Variants in AGBL1 observed in about 807,000 individuals in gnomAD.
AGBL1 encodes cytosolic carboxypeptidase 4.
In AGBL1, 130 loss-of-function variants were observed where a neutral mutation model predicts 118.9. The ratio of observed to expected loss-of-function variants is 1.09; its 90% confidence interval spans 0.95 to 1.26. AGBL1 has a LOEUF of 1.26. Ranked by LOEUF, AGBL1 falls within the 50% of genes most tolerant of loss-of-function variation. The pLI, the probability that AGBL1 is intolerant of heterozygous loss-of-function variation, is 0.00. For missense variants in AGBL1, 1,584 were observed against 1,298.1 expected (o/e 1.22, Z -3.38); for synonymous variants, 555 against 478.9 (o/e 1.16, Z -2.08).
chr15:86,144,934 A>G (rs1302366881), intron 3 of AGBL1, among the ~76,000 whole-genome samples: 1 of 152,262 alleles, frequency 6.6e-6, no homozygotes, highest in Non-Finnish European at 1.5e-5. Context: ...TCAGAAGTCC[A>G]AAATCAAGGT....
At position 86,496,453 on chromosome 15, in the gene AGBL1, A is replaced by G. The variant is rs1250028969; in HGVS notation, c.2556-26357A>G. Among the ~76,000 whole-genome samples, 2 of 152,086 alleles carry G rather than the reference A, an allele frequency of 1.3e-5. 1 individual carries two copies. ...TCTGTTTTAAGTATGCATCCAGCAG[A>G]GATGATATAGCTTTTTTAAAAGATC... On this transcript the variant is annotated intron_variant, in intron 18 of 22. Transcript: ENST00000614907.
At chr15:86,948,598 AT>A (rs2141666764) in intron 23 of AGBL1, among the ~76,000 whole-genome samples, 1 of 152,264 alleles carries the variant, frequency 6.6e-6, no homozygotes, top group East Asian at 1.9e-4. Flanking sequence ...GGCCCATCAT[AT>A]TTCTAGCCAA....
At chr15:86,397,896 C>T (rs193181432) in intron 18 of AGBL1, among the ~76,000 whole-genome samples, 12 of 152,218 alleles carry the variant, frequency 7.9e-5, no homozygotes, top group African/African-American at 2.6e-4. Flanking sequence ...TCTAGTTTAA[C>T]ATTTTTCTTT....
intron 18 of AGBL1, among the ~76,000 whole-genome samples, chr15:86,516,793 CAAAAAA>C (rs3084324): frequency 2.0e-5 from 2 of 99,218 alleles, no homozygotes; most frequent in African/African-American, 8.2e-5. Flanking sequence ...AACTCCATCT[CAAAAAA>C]AAAAAAAAAA....
intron 18 of AGBL1, among the ~76,000 whole-genome samples, chr15:86,507,888 T>C (rs577139574): frequency 2.0e-5 from 3 of 152,182 alleles, no homozygotes; most frequent in African/African-American, 4.8e-5. Flanking sequence ...GCCTCAAAGA[T>C]GACTATAAGG....
chr15:86,183,801 A>G (rs941006769), intron 5 of AGBL1, among the ~76,000 whole-genome samples: 7 of 152,238 alleles, frequency 4.6e-5, no homozygotes, highest in African/African-American at 1.4e-4. Context: ...AAAGTCCCTC[A>G]ATCAGATGAT....
chr15:86,501,030 G>A (rs142161566), intron 18 of AGBL1, among the ~76,000 whole-genome samples: 262 of 151,572 alleles, frequency 1.7e-3, no homozygotes, highest in Non-Finnish European at 3.1e-3. Flanking sequence ...TAGAATTGTC[G>A]GATCATATGG....
intron 23 of AGBL1, among the ~76,000 whole-genome samples, chr15:86,925,685 T>A (rs1455387757): frequency 2.7e-5 from 4 of 150,772 alleles, no homozygotes; most frequent in Non-Finnish European, 4.4e-5. Flanking sequence ...CTTTTCTTCT[T>A]TTCTTTTTTT....
rs982636293 is a variant in AGBL1, at chr15:86,861,281, T to C, written c.3159-45806T>C. Among the ~76,000 whole-genome samples the C allele has an allele frequency of 9.2e-5, 14 of 152,266 alleles. No individual in the cohort carries two copies. The East Asian group carries it at 1.9e-3, about 21-fold the overall frequency. The stretch of plus-strand genomic sequence containing the variant: ...GGGGAAAGCAAAAGTGAACTAGATA[T>C]GATACCTGCCCTCAGAGAGCTTGAA... On this transcript the variant is annotated intron_variant, in intron 22 of 22. Coordinates refer to ENST00000614907, the MANE Select transcript of AGBL1 (RefSeq NM_001386094.1).
At chr15:86,852,356 G>C (rs1174817532) in intron 22 of AGBL1, among the ~76,000 whole-genome samples, 1 of 152,140 alleles carries the variant, frequency 6.6e-6, no homozygotes, top group Admixed American at 6.6e-5. Flanking sequence ...TCCACACACT[G>C]AGAGTACATG....
chr15:86,804,632 C>G lies in AGBL1; in HGVS notation c.3159-102455C>G, dbSNP rs140006236. ...CTAAGCAATGCCAGTTCTCTTGGCT[C>G]TGGCCCAAGACACACCTCAAAAACC... is the stretch of plus-strand genomic sequence containing the variant. On this transcript the variant is annotated intron_variant, in intron 22 of 22. Transcript: ENST00000614907. 6.8e-4 allele frequency among the ~76,000 whole-genome samples: 103 copies of G among 152,308 alleles called. 1 individual carries two copies. Among genetic ancestry groups the G allele is most frequent in the Admixed American group, 9.2e-4 (14 of 15,298 alleles).
intron 22 of AGBL1, among the ~76,000 whole-genome samples, chr15:86,847,680 T>C (rs146582360): frequency 6.6e-6 from 1 of 152,324 alleles, no homozygotes; most frequent in African/African-American, 2.4e-5. Flanking sequence ...GGGAGCACAG[T>C]CAGACCCATC....
chr15:86,635,693 A>C (rs1397370348), intron 21 of AGBL1, among the ~76,000 whole-genome samples: 4 of 152,108 alleles, frequency 2.6e-5, no homozygotes, highest in African/African-American at 9.7e-5. Flanking sequence ...CTATAAGAAA[A>C]AGATTACATA....
intron 21 of AGBL1, among the ~76,000 whole-genome samples, chr15:86,609,243 A>G (rs922482832): frequency 2.0e-5 from 3 of 152,166 alleles, no homozygotes; most frequent in African/African-American, 7.2e-5. Flanking sequence ...CAGGCTCTGC[A>G]AAGTAGGAAG....
At chr15:86,310,840 G>C (rs753957543) in intron 17 of AGBL1, among the ~76,000 whole-genome samples, 1 of 152,152 alleles carries the variant, frequency 6.6e-6, no homozygotes, top group Non-Finnish European at 1.5e-5. Flanking sequence ...ATCACATATG[G>C]ATCATAAATT....
intron 22 of AGBL1, among the ~76,000 whole-genome samples, chr15:86,887,771 T>C (rs552296650): frequency 6.6e-6 from 1 of 152,248 alleles, no homozygotes; most frequent in East Asian, 1.9e-4. Context: ...GGCAGTGTTA[T>C]AATGTCAAAG....
chr15:86,684,745 A>AT (rs1479794300), intron 22 of AGBL1, among the ~76,000 whole-genome samples: 26 of 152,072 alleles, frequency 1.7e-4, no homozygotes, highest in Non-Finnish European at 3.7e-4. Flanking sequence ...TTACTCTCAG[A>AT]TTTTTTGGCT....
At chr15:86,522,622 A>G (rs1156658207) in intron 18 of AGBL1, among the ~76,000 whole-genome samples, 188 bp from the exon 19 acceptor site, 1 of 152,248 alleles carries the variant, frequency 6.6e-6, no homozygotes, top group African/African-American at 2.4e-5. Flanking sequence ...GTTGTGAATA[A>G]TTATGATACT....
chr15:86,166,728 A>G (rs1270816241), intron 5 of AGBL1, among the ~76,000 whole-genome samples: 1 of 152,068 alleles, frequency 6.6e-6, no homozygotes, highest in African/African-American at 2.4e-5. Context: ...CTGGTTCTGT[A>G]TTTATTCCTG....
Sources: gnomAD v4.1 joint callset for allele counts (sites outside exome capture counted in the v4.1 genomes callset) on GRCh38, gnomAD v4.1.1 for gene constraint, MANE v1.5 for transcripts, NCBI Gene and HGNC (gene_info 2026-07-23, HGNC 2026-07-21) for gene names.